The following SLC2A13 variants were observed in gnomAD, a reference collection of about 807,000 sequenced individuals.
SLC2A13 encodes proton myo-inositol cotransporter.
A neutral mutation model predicts 64.4 loss-of-function variants in SLC2A13; 32 were observed. The observed-to-expected ratio is 0.50, with a 90% CI of 0.37 to 0.67. The LOEUF (loss-of-function observed/expected upper bound fraction) is 0.67, where lower values mean the gene tolerates loss of function less well. Ranked by LOEUF, SLC2A13 falls within the 30% of genes least tolerant of loss-of-function variation. The pLI is 0.00. For missense variants in SLC2A13, 743 were observed against 829.2 expected (o/e 0.90, Z 1.28); for synonymous variants, 338 against 327.1 (o/e 1.03, Z -0.36).
intron 3 of SLC2A13, among the ~76,000 whole-genome samples, chr12:40,020,996 G>GA (rs923937349): frequency 2.6e-5 from 4 of 151,576 alleles, no homozygotes; most frequent in South Asian, 2.1e-4. Context: ...CGGTAAGTGG[G>GA]AAAAAAGAGA....
chr12:39,830,359 G>A, intron 6 of SLC2A13, 131 bp from the exon 7 acceptor site: 1 of 1,443,228 alleles, frequency 6.9e-7, no homozygotes, highest in Non-Finnish European at 9.1e-7. Flanking sequence ...ACTTGTTTTG[G>A]CCAAGGAAAG....
At chr12:39,919,640 G>T (rs1400264053) in intron 4 of SLC2A13, among the ~76,000 whole-genome samples, 3 of 152,114 alleles carry the variant, frequency 2.0e-5, no homozygotes, top group South Asian at 2.1e-4. Context: ...TTAGACCAGT[G>T]TATAAAAGGT....
At chr12:40,053,281 C>CAAAAA (rs35810974) in intron 1 of SLC2A13, among the ~76,000 whole-genome samples, 2 of 69,088 alleles carry the variant, frequency 2.9e-5, no homozygotes, top group South Asian at 5.1e-4. Context: ...GACTCCATCT[C>CAAAAA]AAAAAAAAAA....
chr12:39,776,539 G>A (rs1940785737), intron 7 of SLC2A13, among the ~76,000 whole-genome samples: 1 of 152,320 alleles, frequency 6.6e-6, no homozygotes, highest in Middle Eastern at 3.4e-3. Flanking sequence ...AGGATAGAGT[G>A]ACACAGAAGT....
At position 39,830,176 on chromosome 12, in the gene SLC2A13, T is replaced by C. The variant is rs1010246332; in HGVS notation, c.1372A>G (p.Asn458Asp). 1.7e-5 allele frequency: 28 copies of C among 1,613,612 alleles called. No homozygotes were observed. The highest frequency in any genetic ancestry group is 2.4e-5 in the Non-Finnish European group (28 of 1,179,784). Residue 458 changes from asparagine (N) to aspartate (D), a missense_variant, in exon 7 of 10, where the codon AAC becomes GAC. Physicochemically the swap from Asn to Asp is conservative, Grantham distance 23. Coordinates refer to ENST00000280871, the MANE Select transcript of SLC2A13 (RefSeq NM_052885.4). ...GAGGAGTCAATGACAGTTGATTTGT[T>C]CATCTTGTAGCAGAAACCGCAGTCT... The part of the protein sequence containing the change: ...DPDCGFCYKM[N>D]KSTVIDSSCV...
At chr12:39,797,194 C>A (rs1941605802) in intron 7 of SLC2A13, among the ~76,000 whole-genome samples, 1 of 152,108 alleles carries the variant, frequency 6.6e-6, no homozygotes, top group South Asian at 2.1e-4. Flanking sequence ...AGCATGCAAG[C>A]CTGATTTAAA....
At chr12:40,047,351 G>A (rs1948186806) in intron 2 of SLC2A13, among the ~76,000 whole-genome samples, 2 of 152,082 alleles carry the variant, frequency 1.3e-5, no homozygotes, top group South Asian at 4.1e-4. Context: ...AATAAGTAGA[G>A]GCAAGAAAAC....
At chr12:40,036,178 G>A (rs994580198) in intron 2 of SLC2A13, among the ~76,000 whole-genome samples, 5 of 152,274 alleles carry the variant, frequency 3.3e-5, no homozygotes, top group Non-Finnish European at 4.4e-5. Context: ...TTTAGGCCCA[G>A]TGTAGGAGGA....
At chr12:39,978,488 G>T (rs975792218) in intron 3 of SLC2A13, among the ~76,000 whole-genome samples, 4 of 152,222 alleles carry the variant, frequency 2.6e-5, no homozygotes, top group Non-Finnish European at 5.9e-5. Flanking sequence ...AGCCGAAGCA[G>T]GGCGAGGCAT....
At chr12:39,939,206 C>T (rs1945977118) in intron 4 of SLC2A13, among the ~76,000 whole-genome samples, 1 of 152,126 alleles carries the variant, frequency 6.6e-6, no homozygotes, top group Admixed American at 6.6e-5. Context: ...CTCTTGATAT[C>T]GTCCCCAAAA....
intron 1 of SLC2A13, among the ~76,000 whole-genome samples, chr12:40,104,056 T>A (rs1001936738): frequency 1.3e-5 from 2 of 152,138 alleles, no homozygotes; most frequent in African/African-American, 4.8e-5. Flanking sequence ...TTGCTTCCCT[T>A]CAGAACCCAC....
rs575702657 is a variant in SLC2A13, at chr12:39,915,147, T to C, written c.1034+36110A>G. Among the ~76,000 whole-genome samples, 14 of 151,974 alleles carry C rather than the reference T, an allele frequency of 9.2e-5. No individual in the cohort carries two copies. In the South Asian group the frequency reaches 2.9e-3, roughly 32 times the overall value. On this transcript the variant is annotated intron_variant, in intron 4 of 9. Coordinates refer to ENST00000280871, the MANE Select transcript of SLC2A13 (RefSeq NM_052885.4). ...ATTAAAAGTGCATATAGCAACCTAA[T>C]AGTAAGGAGAAAAGTCAGTGGGACA...
At chr12:40,009,767 C>T (rs1947494182) in intron 3 of SLC2A13, among the ~76,000 whole-genome samples, 1 of 152,080 alleles carries the variant, frequency 6.6e-6, no homozygotes, top group African/African-American at 2.4e-5. Flanking sequence ...AGATAAGAGG[C>T]CAGAACTCTG....
chr12:39,976,832 T>G (rs1946768554), intron 3 of SLC2A13, among the ~76,000 whole-genome samples: 1 of 152,218 alleles, frequency 6.6e-6, no homozygotes, highest in Non-Finnish European at 1.5e-5. Flanking sequence ...TCCAACTTTC[T>G]GGACACTTAA....
chr12:39,865,750 A>G (rs1943890170), intron 5 of SLC2A13, among the ~76,000 whole-genome samples: 1 of 152,238 alleles, frequency 6.6e-6, no homozygotes, highest in African/African-American at 2.4e-5. Context: ...GCTGGAGGCC[A>G]TGATCTTTAG....
chr12:40,105,937 G>C lies in SLC2A13; in HGVS notation c.-129C>G. The stretch of plus-strand genomic sequence containing the variant: ...CTTTCTTCCTCCCGGCTTCCGCTCC[G>C]GCTGCCACGGCAGCAGCCGCCGCCA... On this transcript the variant is annotated 5_prime_UTR_variant, in exon 1 of 10. Coordinates refer to ENST00000280871, the MANE Select transcript of SLC2A13 (RefSeq NM_052885.4). The surrounding 1 kb of genome is among the most constrained non-coding windows in gnomAD (Gnocchi z 4.2). 1.7e-6 allele frequency: 2 copies of C among 1,154,860 alleles called. No individual in the cohort carries two copies. Among genetic ancestry groups the C allele is most frequent in the Admixed American group, 4.3e-5 (1 of 23,268 alleles). 71.5% of individuals were successfully genotyped at this position (1,154,860 alleles called of 1,614,324 possible). A position where few individuals can be genotyped will look rare whatever the true frequency, so the allele number is the denominator to read the frequency against.
chr12:39,819,613 T>C (rs1942434553), intron 7 of SLC2A13: 1 of 152,192 alleles, frequency 6.6e-6, no homozygotes, highest in Non-Finnish European at 1.5e-5. Context: ...GCAAATACTT[T>C]TTTTTCTCTA....
intron 4 of SLC2A13, among the ~76,000 whole-genome samples, chr12:39,916,912 G>A (rs73092223): frequency 0.028 from 4,233 of 152,078 alleles, 224 homozygotes; most frequent in African/African-American, 0.093. Flanking sequence ...CATATACGGT[G>A]GGGAAAACAG....
At chr12:39,858,895 C>T (rs970425041) in intron 6 of SLC2A13, among the ~76,000 whole-genome samples, 9 of 152,138 alleles carry the variant, frequency 5.9e-5, no homozygotes, top group African/African-American at 1.9e-4. Flanking sequence ...TGTGACGCAC[C>T]GTGCCCGACC....
Sources: gnomAD v4.1 joint callset for allele counts (sites outside exome capture counted in the v4.1 genomes callset) on GRCh38, gnomAD v4.1.1 for gene constraint, Gnocchi (gnomAD v3.1) non-coding constraint, MANE v1.5 for transcripts, NCBI Gene and HGNC (gene_info 2026-07-23, HGNC 2026-07-21) for gene names.